The following C6orf58 variants were observed in gnomAD, a reference collection of about 807,000 sequenced individuals.
C6orf58 encodes the protein chromosome 6 open reading frame 58.
Under a neutral mutation model 37.0 loss-of-function variants are expected in C6orf58, and 30 were observed. The ratio of observed to expected loss-of-function variants is 0.81; its 90% confidence interval spans 0.61 to 1.10. C6orf58 has a LOEUF of 1.10. C6orf58 is among the 50% of genes least tolerant of loss of function. C6orf58 has a pLI of 0.00. For synonymous variants in C6orf58, 143 were observed against 134.1 expected, an observed-to-expected ratio of 1.07 and a Z score of -0.46; for missense variants, 368 against 387.5, an observed-to-expected ratio of 0.95 and a Z score of 0.42.
At chr6:127,581,404 C>A (rs1775049269) in intron 4 of C6orf58, 122 bp downstream of exon 4, 1 of 381,462 alleles carries the variant, frequency 2.6e-6, no homozygotes, top group Non-Finnish European at 4.6e-6. Context: ...TAAGCCTAAC[C>A]ATTGGAGATT....
intron 5 of C6orf58, among the ~76,000 whole-genome samples, chr6:127,591,029 G>A (rs1053551896): frequency 6.6e-6 from 1 of 152,078 alleles, no homozygotes; most frequent in East Asian, 1.9e-4. Flanking sequence ...GCATCAGTTA[G>A]AGTAACAAAA....
In C6orf58 at chr6:127,578,737, A is replaced by T. The variant is rs768825802; in HGVS notation, c.353A>T (p.Asp118Val). 7 of 1,612,766 alleles carry T rather than the reference A, an allele frequency of 4.3e-6. No individual in the cohort carries two copies. Among genetic ancestry groups the T allele is most frequent in the Non-Finnish European group, 3.4e-6 (4 of 1,179,122 alleles). ...ACAAACTGTGGCTATGAATCTGGAGATCATATGTGCATCTCTGTGGACAGT... is the reference window on the plus strand; with the variant it reads ...ACAAACTGTGGCTATGAATCTGGAGTTCATATGTGCATCTCTGTGGACAGT... ...RRTNCGYESG[D>V]HMCISVDSWW... Residue 118 changes from aspartate (D) to valine (V), a missense_variant, in exon 2 of 6, where the codon GAT (aspartate) becomes GTT (valine). Physicochemically the swap from Asp to Val is radical, Grantham distance 152. Transcript: ENST00000329722.
At chr6:127,580,193 T>C (rs926898402) in intron 2 of C6orf58, 72 bp from the exon 3 acceptor site, 4 of 1,201,646 alleles carry the variant, frequency 3.3e-6, no homozygotes, top group African/African-American at 3.0e-5. Flanking sequence ...TTATGACTTA[T>C]GCCTTCCTTA....
At chr6:127,582,928 T>C (rs1377802177) in intron 4 of C6orf58, among the ~76,000 whole-genome samples, 1 of 152,200 alleles carries the variant, frequency 6.6e-6, no homozygotes, top group African/African-American at 2.4e-5. Flanking sequence ...ACCCTACAGA[T>C]AGTCTCCTGT....
intron 4 of C6orf58, among the ~76,000 whole-genome samples, chr6:127,584,244 C>T (rs1374680092): frequency 2.0e-5 from 3 of 152,144 alleles, no homozygotes; most frequent in Non-Finnish European, 4.4e-5. Context: ...TTCAAATGAT[C>T]CAGCATGTGC....
intron 4 of C6orf58, among the ~76,000 whole-genome samples, chr6:127,583,939 G>T (rs1254941358): frequency 6.6e-6 from 1 of 152,074 alleles, no homozygotes; most frequent in Non-Finnish European, 1.5e-5. Context: ...TTTCCTATAG[G>T]AGTGGATTTG....
intron 4 of C6orf58, among the ~76,000 whole-genome samples, chr6:127,582,364 AAAT>A (rs1775058953): frequency 6.6e-6 from 1 of 152,162 alleles, no homozygotes. Flanking sequence ...TCAAATATAT[AAAT>A]AATAAGCCAG....
intron 4 of C6orf58, among the ~76,000 whole-genome samples, chr6:127,584,595 G>A (rs1038747093): frequency 2.6e-4 from 40 of 152,020 alleles, no homozygotes; most frequent in African/African-American, 9.4e-4. Flanking sequence ...GCCAATATGG[G>A]AAACCCCGTC....
chr6:127,590,404 G>T, intron 5 of C6orf58, 79 bp downstream of exon 5: 1 of 895,810 alleles, frequency 1.1e-6, no homozygotes, highest in South Asian at 1.6e-5. Flanking sequence ...TTAAATCAGT[G>T]ATATAAACAT....
chr6:127,577,336 A>G lies in C6orf58; in HGVS notation c.151A>G (p.Ile51Val), dbSNP rs139053521. The G allele has an allele frequency of 1.6e-3, 2,662 of 1,613,676 alleles. 32 individuals carry two copies. The African/African-American group carries it at 0.03, about 18-fold the overall frequency. ...SDYRVENSMYIINPWVYLERM... is the reference protein window; with the variant it reads ...SDYRVENSMYVINPWVYLERM... ...CTACAGGGTGGAGAACAGCATGTAC[A>G]TTATTAATCCCTGGGTATACCTTGA... The change falls in exon 1 of 6, where the codon ATT becomes GTT. Residue 51 changes from isoleucine (I) to valine (V), a missense_variant. Physicochemically the swap from Ile to Val is conservative, Grantham distance 29. Transcript: ENST00000329722.
In C6orf58 at chr6:127,590,144, G is replaced by A. The variant is rs773290440; in HGVS notation, c.732G>A (p.Val244=). 4 of 1,613,706 alleles carry A rather than the reference G, an allele frequency of 2.5e-6. No homozygotes were observed. The Admixed American group carries it at 6.7e-5, about 27-fold the overall frequency. Residue 244 remains valine (V), a synonymous_variant, in exon 5 of 6, where the codon GTG becomes GTA. Transcript: ENST00000329722. The part of the protein sequence containing the change: ...AHFERSWVLA[V]DHLAAVLFPT... ...TTGAGAGAAGTTGGGTACTGGCTGT[G>A]GATCATTTAGCTGCAGTCCTCTTTC... is the stretch of plus-strand genomic sequence containing the variant.
rs149295016 is a variant in C6orf58 at position 127,577,481 on chromosome 6, G to T, written c.296G>T (p.Arg99Met). 5.0e-6 allele frequency: 8 copies of T among 1,613,208 alleles called. No individual in the cohort carries two copies. In the African/African-American group the frequency reaches 8.0e-5, roughly 16 times the overall value. The change falls in exon 1 of 6, where the codon AGG (arginine) becomes ATG (methionine). Residue 99 changes from arginine to methionine, a missense_variant. By Grantham distance (91) the Arg-to-Met change is moderately conservative. Transcript: ENST00000329722. ...GLPLQYGWQY[R>M]TGRLADPTRR... is the part of the protein sequence containing the mutation. ...CCTCTGCAGTATGGCTGGCAATATA[G>T]GACAGGTAAGAATGACTCTTGTTTT...
At chr6:127,583,632 G>A (rs1051626048) in intron 4 of C6orf58, among the ~76,000 whole-genome samples, 6 of 152,104 alleles carry the variant, frequency 3.9e-5, no homozygotes, top group Non-Finnish European at 8.8e-5. Context: ...CCCTGAAGTT[G>A]TGCTGCAAAA....
At chr6:127,580,636 T>C (rs1775039769) in intron 3 of C6orf58, among the ~76,000 whole-genome samples, 187 bp downstream of exon 3, 2 of 152,118 alleles carry the variant, frequency 1.3e-5, no homozygotes, top group African/African-American at 4.8e-5. Flanking sequence ...AATACAGCAT[T>C]AACATAAATC....
chr6:127,583,808 A>G (rs755873560), intron 4 of C6orf58, among the ~76,000 whole-genome samples: 2 of 152,220 alleles, frequency 1.3e-5, no homozygotes, highest in Non-Finnish European at 2.9e-5. Flanking sequence ...CTTTGGCAAA[A>G]TGCATTGAAG....
At position 127,578,747 on chromosome 6, in the gene C6orf58, C is replaced by A. The variant is rs773277621; in HGVS notation, c.363C>A (p.Cys121Ter). ...NCGYESGDHM[C>*]ISVDSWWADL... ...GCTATGAATCTGGAGATCATATGTG[C>A]ATCTCTGTGGACAGTTGGTGGGCTG... Residue 121 changes from cysteine (C) to a stop codon, truncating the protein, a stop_gained, in exon 2 of 6, where the codon TGC (cysteine) becomes TGA (stop). Transcript: ENST00000329722. LOFTEE classifies it high-confidence loss of function. The A allele has an allele frequency of 6.2e-7, 1 of 1,612,448 alleles. No homozygotes were observed. Among genetic ancestry groups the A allele is most frequent in the African/African-American group, 1.3e-5 (1 of 74,812 alleles).
At chr6:127,590,600 T>G (rs1317999301) in intron 5 of C6orf58, among the ~76,000 whole-genome samples, 1 of 152,112 alleles carries the variant, frequency 6.6e-6, no homozygotes, top group African/African-American at 2.4e-5. Context: ...ACTTTTGTTT[T>G]GTTCTACATA....
chr6:127,590,637 T>C (rs1192638567), intron 5 of C6orf58, among the ~76,000 whole-genome samples: 1 of 151,310 alleles, frequency 6.6e-6, no homozygotes, highest in Non-Finnish European at 1.5e-5. Flanking sequence ...ATTTTGCTCA[T>C]CAGATCATTT....
chr6:127,578,682 C>G lies in C6orf58; in HGVS notation c.302-4C>G, dbSNP rs762521219. On this transcript the variant is annotated splice_region_variant and splice_polypyrimidine_tract_variant and intron_variant, in intron 1 of 5. Coordinates refer to ENST00000329722, the MANE Select transcript of C6orf58 (RefSeq NM_001010905.3). ...AATACGACTGTGCATCCTCTCTCCTCCAGGCAGATTAGCTGATCCAACCCG... is the reference window on the plus strand; with the variant it reads ...AATACGACTGTGCATCCTCTCTCCTGCAGGCAGATTAGCTGATCCAACCCG... The G allele has an allele frequency of 6.2e-7, 1 of 1,609,242 alleles. No individual in the cohort carries two copies. The highest frequency in any genetic ancestry group is 8.5e-7 in the Non-Finnish European group (1 of 1,175,988).
Sources: allele counts gnomAD v4.1 joint callset (sites outside exome capture counted in the v4.1 genomes callset), GRCh38; gene constraint gnomAD v4.1.1; transcripts MANE v1.5; gene names NCBI Gene and HGNC (gene_info 2026-07-23, HGNC 2026-07-21).